Variants in PCDHA8 observed in about 807,000 individuals in gnomAD.
PCDHA8 encodes the protein protocadherin alpha 8.
PCDHA8 carries 53 observed loss-of-function variants against 61.8 expected under a neutral mutation model. The ratio of observed to expected loss-of-function variants is 0.86; its 90% CI spans 0.69 to 1.08. The LOEUF is 1.08. Ranked by LOEUF, PCDHA8 falls within the 50% of genes least tolerant of loss-of-function variation. The probability of loss-of-function intolerance (pLI) is 0.00; values close to 1 mark genes in which losing one functional copy is unlikely to be tolerated. For synonymous variants in PCDHA8, 618 were observed against 556.6 expected (o/e 1.11, Z -1.55); for missense variants, 1,293 against 1,245.0 (o/e 1.04, Z -0.58).
chr5:140,972,213 C>T (rs1312530794), intron 1 of PCDHA8, among the ~76,000 whole-genome samples: 3 of 151,932 alleles, frequency 2.0e-5, no homozygotes, highest in African/African-American at 7.3e-5. Flanking sequence ...GAATATGGCT[C>T]ACTGCAGCCT....
chr5:140,858,677 T>C (rs1480959792), intron 1 of PCDHA8: 2 of 629,026 alleles, frequency 3.2e-6, no homozygotes, highest in South Asian at 4.5e-5. Flanking sequence ...TTATTCTGAA[T>C]ACACTAATAT....
At chr5:140,960,279 T>A (rs1220391317) in intron 1 of PCDHA8, among the ~76,000 whole-genome samples, 1 of 152,216 alleles carries the variant, frequency 6.6e-6, no homozygotes, top group African/African-American at 2.4e-5. Flanking sequence ...GTCACCTTTT[T>A]GGGACCCAGT....
intron 1 of PCDHA8, chr5:140,861,156 A>T (rs782717452): frequency 6.5e-6 from 1 of 154,840 alleles, no homozygotes; most frequent in Non-Finnish European, 1.4e-5. Context: ...ACAAGGACCA[A>T]AAGGTCTCAG....
At chr5:140,906,022 C>T (rs782487413) in intron 1 of PCDHA8, among the ~76,000 whole-genome samples, 9 of 152,192 alleles carry the variant, frequency 5.9e-5, no homozygotes, top group African/African-American at 1.2e-4. Context: ...AATCTCTCCA[C>T]GTTCTTCTGT....
At chr5:140,999,973 C>A (rs1370727292) in intron 3 of PCDHA8, among the ~76,000 whole-genome samples, 2 of 152,082 alleles carry the variant, frequency 1.3e-5, no homozygotes, top group African/African-American at 4.8e-5. Context: ...AGTAGCAGCT[C>A]TAGCGGCCTC....
Position 140,849,757 on chromosome 5 carries a change from A to G in PCDHA8, c.2394+6042A>G, listed in dbSNP as rs2041104980. ...CTGGACCGCGAGAGTGTGTCCGCCT[A>G]CGAGCTGGTGGTTACCGCGCGGGAC... On this transcript the variant is annotated intron_variant, in intron 1 of 3. Transcript: ENST00000531613. 3.1e-6 allele frequency: 5 copies of G among 1,598,418 alleles called. No homozygotes were observed. The African/African-American group carries it at 6.7e-5, about 21-fold the overall frequency.
In PCDHA8 at chr5:140,848,334, A is replaced by G. The variant is rs2150408949; in HGVS notation, c.2394+4619A>G. ...TTGCCGCGATGTTCTCTCTGAATCC[A>G]GACAAATACAGCCCTTTTCCCATGG... On this transcript the variant is annotated intron_variant, in intron 1 of 3. Transcript: ENST00000531613. 43 of 850,658 alleles carry G rather than the reference A, an allele frequency of 5.1e-5. 3 individuals are homozygous for G. Among genetic ancestry groups the G allele is most frequent in the Non-Finnish European group, 7.6e-5 (41 of 539,362 alleles). 52.7% of individuals were successfully genotyped at this position (850,658 alleles called of 1,614,324 possible). A position where few individuals can be genotyped will look rare whatever the true frequency, so the allele number is the denominator to read the frequency against.
chr5:140,850,627 T>C lies in PCDHA8; in HGVS notation c.2394+6912T>C, dbSNP rs2150491342. 1.9e-6 allele frequency: 3 copies of C among 1,598,642 alleles called. No individual in the cohort carries two copies. The South Asian group carries it at 3.3e-5, about 18-fold the overall frequency. ...GCCATCTGCGCGGTGTCTAGCCTGT[T>C]GGTTCTCACGCTGCTGCTGTACACT... On this transcript the variant is annotated intron_variant, in intron 1 of 3. Transcript: ENST00000531613.
chr5:140,944,310 C>T (rs1036800359), intron 1 of PCDHA8, among the ~76,000 whole-genome samples: 6 of 152,132 alleles, frequency 3.9e-5, no homozygotes, highest in Non-Finnish European at 7.4e-5. Flanking sequence ...ACCTCAGCCT[C>T]CTGAGTAGCT....
chr5:140,877,668 C>T, intron 1 of PCDHA8: 1 of 1,613,568 alleles, frequency 6.2e-7, no homozygotes, highest in Non-Finnish European at 8.5e-7. Context: ...TGAGCCGGTG[C>T]GCGCCGGGCA....
At chr5:141,008,382 A>G (rs1458485740) in intron 3 of PCDHA8, among the ~76,000 whole-genome samples, 1 of 152,166 alleles carries the variant, frequency 6.6e-6, no homozygotes, top group African/African-American at 2.4e-5. Flanking sequence ...ATACATAAAC[A>G]TTGCTATGAT....
intron 1 of PCDHA8, among the ~76,000 whole-genome samples, chr5:140,941,255 C>CTTTCTTTCTT (rs782490896): frequency 0.012 from 539 of 44,464 alleles, 5 homozygotes; most frequent in Middle Eastern, 0.036. Context: ...TTCTTTCTTT[C>CTTTCTTTCTT]TCTTTCTTTC....
At chr5:140,853,965 C>A (rs1349706249) in intron 1 of PCDHA8, 2 of 649,666 alleles carry the variant, frequency 3.1e-6, no homozygotes, top group African/African-American at 2.0e-5. Context: ...TTGAGCCCAG[C>A]AGTTTGAGAC....
intron 1 of PCDHA8, chr5:140,848,514 G>A (rs1356493144): frequency 6.3e-7 from 1 of 1,590,674 alleles, no homozygotes; most frequent in Non-Finnish European, 8.6e-7. Context: ...CTCAAGTCGA[G>A]GAGATCCAGA....
intron 1 of PCDHA8, among the ~76,000 whole-genome samples, chr5:140,887,955 C>A (rs568878730): frequency 4.4e-4 from 67 of 152,206 alleles, no homozygotes; most frequent in African/African-American, 1.6e-3. Flanking sequence ...GTATAAGATT[C>A]TTTTTGTCTC....
At chr5:140,880,764 G>T (rs1438457004) in intron 1 of PCDHA8, among the ~76,000 whole-genome samples, 1 of 152,198 alleles carries the variant, frequency 6.6e-6, no homozygotes, top group Non-Finnish European at 1.5e-5. Context: ...GCGTGTTGGA[G>T]GCTAAAAAGA....
intron 3 of PCDHA8, among the ~76,000 whole-genome samples, chr5:141,001,540 G>A (rs1318714170): frequency 6.6e-6 from 1 of 152,174 alleles, no homozygotes; most frequent in African/African-American, 2.4e-5. Flanking sequence ...TCCTGGACAG[G>A]ATTTGGGTTT....
At chr5:140,919,552 T>C (rs2079193484) in intron 1 of PCDHA8, among the ~76,000 whole-genome samples, 1 of 152,224 alleles carries the variant, frequency 6.6e-6, no homozygotes, top group South Asian at 2.1e-4. Context: ...ATTTACTGAT[T>C]TATATTAAGT....
At chr5:140,918,042 A>C (rs1363704503) in intron 1 of PCDHA8, among the ~76,000 whole-genome samples, 1 of 152,088 alleles carries the variant, frequency 6.6e-6, no homozygotes, top group African/African-American at 2.4e-5. Flanking sequence ...AGGTCTTTCC[A>C]TTTGTTTTAT....
Sources: allele counts gnomAD v4.1 joint callset (sites outside exome capture counted in the v4.1 genomes callset), GRCh38; gene constraint gnomAD v4.1.1; transcripts MANE v1.5; gene names NCBI Gene and HGNC (gene_info 2026-07-23, HGNC 2026-07-21).